Variants in FCRL4 observed in about 807,000 individuals in gnomAD.
FCRL4 encodes the protein Fc receptor-like protein 4.
A neutral mutation model predicts 64.1 loss-of-function variants in FCRL4; 43 were observed. The observed-to-expected ratio is 0.67, with a 90% CI of 0.53 to 0.87. The LOEUF (loss-of-function observed/expected upper bound fraction) is 0.87. FCRL4 is among the 40% of genes least tolerant of loss of function. The pLI, the probability that FCRL4 is intolerant of heterozygous loss-of-function variation, is 0.00. For missense variants in FCRL4, 656 were observed against 613.5 expected, an observed-to-expected ratio of 1.07 and a Z score of -0.73; for synonymous variants, 253 against 239.8, an observed-to-expected ratio of 1.05 and a Z score of -0.51.
intron 9 of FCRL4, 84 bp downstream of exon 9, chr1:157,578,686 G>T: frequency 6.9e-7 from 1 of 1,456,716 alleles, no homozygotes; most frequent in Non-Finnish European, 9.6e-7. Flanking sequence ...ACTTTAGGGA[G>T]TCCAGGGGCA....
rs1178444998 is a variant in FCRL4 at position 157,586,431 on chromosome 1, A to G, written c.872T>C (p.Leu291Pro). 5.0e-6 allele frequency: 8 copies of G among 1,611,008 alleles called. 1 individual carries two copies. In the South Asian group the frequency reaches 8.8e-5, roughly 18 times the overall value. Residue 291 changes from leucine (L) to proline (P), a missense_variant, in exon 6 of 12, where the codon CTG becomes CCG. Transcript: ENST00000271532. Reference sequence around the variant, plus strand: ...CTGGCCCCCTGAGGGCTGGGTCTCCAGGAGCACCCCAGACACAGGGATCCC... The same window carrying G: ...CTGGCCCCCTGAGGGCTGGGTCTCCGGGAGCACCCCAGACACAGGGATCCC... ...VQRIPVSGVL[L>P]ETQPSGGQAV...
At chr1:157,590,103 C>T (rs1652806326) in intron 2 of FCRL4, among the ~76,000 whole-genome samples, 1 of 152,168 alleles carries the variant, frequency 6.6e-6, no homozygotes, top group Admixed American at 6.5e-5. Flanking sequence ...CTTAAATATG[C>T]ATAAAAACCC....
rs1348968965 is a variant in FCRL4, at chr1:157,575,155, T to C, written c.*369A>G. 1 of 332,078 alleles carries C rather than the reference T, an allele frequency of 3.0e-6. No homozygotes were observed. The highest frequency in any genetic ancestry group is 4.8e-5 in the East Asian group (1 of 20,782). The allele number at this position is 332,078 out of a possible 1,614,324, so 20.6% of individuals were successfully genotyped here. On this transcript the variant is annotated 3_prime_UTR_variant, in exon 12 of 12. Coordinates refer to ENST00000271532, the MANE Select transcript of FCRL4 (RefSeq NM_031282.3). ...CAGAGATCCAGGTCACCCAGTCTTT[T>C]TCATCTCTGCAAATCCCAATTCACC...
At chr1:157,589,479 G>C (rs1474785811) in intron 2 of FCRL4, 21 bp from the exon 3 acceptor site, 3 of 1,609,570 alleles carry the variant, frequency 1.9e-6, no homozygotes, top group South Asian at 1.1e-5. Flanking sequence ...AAGAGTAATA[G>C]GTCTGAGGTG....
chr1:157,575,641 A>G (rs779042776), intron 11 of FCRL4, 31 bp from the exon 12 acceptor site: 1 of 1,611,600 alleles, frequency 6.2e-7, no homozygotes, highest in Non-Finnish European at 8.5e-7. Context: ...GGAAACCGAG[A>G]GGGAGTGTGA....
At chr1:157,593,205 T>G (rs1452295940) in intron 2 of FCRL4, among the ~76,000 whole-genome samples, 1 of 152,158 alleles carries the variant, frequency 6.6e-6, no homozygotes, top group Admixed American at 6.5e-5. Flanking sequence ...CTGCATGTTG[T>G]GCACATGTAT....
chr1:157,585,601 G>A (rs1186831702), intron 6 of FCRL4, among the ~76,000 whole-genome samples: 1 of 152,004 alleles, frequency 6.6e-6, no homozygotes, highest in African/African-American at 2.4e-5. Flanking sequence ...CCAAAGTAAG[G>A]CTTCTCTCCT....
intron 8 of FCRL4, among the ~76,000 whole-genome samples, chr1:157,579,510 A>C (rs781247293): frequency 6.6e-6 from 1 of 152,170 alleles, no homozygotes; most frequent in Non-Finnish European, 1.5e-5. Context: ...TGAAGCCAGG[A>C]GTTTGAGACC....
chr1:157,579,718 A>G (rs1178231131), intron 8 of FCRL4, among the ~76,000 whole-genome samples: 5 of 138,428 alleles, frequency 3.6e-5, no homozygotes, highest in African/African-American at 1.2e-4. Context: ...ATACATACAT[A>G]CATACATACA....
At chr1:157,586,056 TG>T in intron 6 of FCRL4, 111 bp downstream of exon 6, 1 of 1,117,162 alleles carries the variant, frequency 9.0e-7, no homozygotes, top group Non-Finnish European at 1.3e-6. Flanking sequence ...CAGTGGAGCA[TG>T]GCAAAATGGA....
chr1:157,585,348 T>TCTC (rs1558155010), intron 6 of FCRL4, among the ~76,000 whole-genome samples: 69 of 60,950 alleles, frequency 1.1e-3, no homozygotes, highest in Admixed American at 2.2e-3. Flanking sequence ...CTCTCTCTCT[T>TCTC]TCTTTCTTTC....
intron 6 of FCRL4, among the ~76,000 whole-genome samples, chr1:157,583,911 A>G (rs1652617214): frequency 6.6e-6 from 1 of 152,134 alleles, no homozygotes; most frequent in African/African-American, 2.4e-5. Flanking sequence ...TGGATCCTTG[A>G]CGTTTGTTTA....
In FCRL4 at chr1:157,580,914, C is replaced by T. The variant is rs557845528; in HGVS notation, c.1250-566G>A. On this transcript the variant is annotated intron_variant, in intron 7 of 11. Transcript: ENST00000271532. Reference sequence around the variant, plus strand: ...CAGGTTTCTTGGCATCTAAAGCCAGCCTGAGGTGGGCTGAGGCAAGAAGTC... The same window carrying T: ...CAGGTTTCTTGGCATCTAAAGCCAGTCTGAGGTGGGCTGAGGCAAGAAGTC... Among the ~76,000 whole-genome samples the T allele has an allele frequency of 2.6e-5, 4 of 152,332 alleles. No individual in the cohort carries two copies. The South Asian group carries it at 8.3e-4, about 32-fold the overall frequency.
intron 1 of FCRL4, among the ~76,000 whole-genome samples, chr1:157,597,204 C>T (rs562729738): frequency 6.6e-6 from 1 of 152,256 alleles, no homozygotes; most frequent in East Asian, 1.9e-4. Context: ...CCAAGTATAC[C>T]CATCCACTCA....
chr1:157,575,735 G>A lies in FCRL4; in HGVS notation c.1430-5C>T. 6.2e-7 allele frequency: 1 copy of A among 1,613,494 alleles called. No homozygotes were observed. The highest frequency in any genetic ancestry group is 8.5e-7 in the Non-Finnish European group (1 of 1,179,572). On this transcript the variant is annotated splice_polypyrimidine_tract_variant and splice_region_variant and intron_variant, in intron 10 of 11. Coordinates refer to ENST00000271532, the MANE Select transcript of FCRL4 (RefSeq NM_031282.3). The stretch of plus-strand genomic sequence containing the variant: ...GAAGTGTCCTGGAGGTATTAGCTGT[G>A]GACAGAAAGAGAATCACTGGACTAT...
At chr1:157,579,537 T>A (rs1248814767) in intron 8 of FCRL4, among the ~76,000 whole-genome samples, 2 of 152,062 alleles carry the variant, frequency 1.3e-5, no homozygotes, top group Admixed American at 1.3e-4. Flanking sequence ...GCCAACATTG[T>A]GAAACCTGGT....
Position 157,576,040 on chromosome 1 carries a change from C to T in FCRL4, c.1430-310G>A, listed in dbSNP as rs887632612. Among the ~76,000 whole-genome samples, 16 of 152,278 alleles carry T rather than the reference C, an allele frequency of 1.1e-4. 1 individual carries two copies. The Middle Eastern group carries it at 0.01, about 97-fold the overall frequency. ...TTTTTCTTAGTTTTAGTTCTTGCTTCTCTTAACTTACAATACTGTCATCTC... is the reference window on the plus strand; with the variant it reads ...TTTTTCTTAGTTTTAGTTCTTGCTTTTCTTAACTTACAATACTGTCATCTC... On this transcript the variant is annotated intron_variant, in intron 10 of 11. Transcript: ENST00000271532.
At chr1:157,587,828 C>A in intron 4 of FCRL4, 37 bp downstream of exon 4, 1 of 1,567,980 alleles carries the variant, frequency 6.4e-7, no homozygotes, top group South Asian at 1.2e-5. Context: ...CTATCCCTGT[C>A]ATTACTAAGC....
chr1:157,575,826 C>G (rs2101672961), intron 10 of FCRL4, 96 bp from the exon 11 acceptor site: 1 of 1,102,426 alleles, frequency 9.1e-7, no homozygotes, highest in South Asian at 1.2e-5. Context: ...AGCCACTGGG[C>G]CCTGTCCACC....
Sources: allele counts gnomAD v4.1 joint callset (sites outside exome capture counted in the v4.1 genomes callset), GRCh38; gene constraint gnomAD v4.1.1; transcripts MANE v1.5; gene names NCBI Gene and HGNC (gene_info 2026-07-23, HGNC 2026-07-21).